Variants in SPMIP4 observed in about 807,000 individuals in gnomAD.
The protein encoded by SPMIP4 is sperm microtubule inner protein 4.
At chr7:25,136,735 C>T in the SPMIP4 span, 25 of 1,614,038 alleles carry the variant, frequency 1.5e-5, no homozygotes, top group Middle Eastern at 3.3e-4. This position sits in a 1 kb window ranked among gnomAD's most constrained non-coding sequence, Gnocchi z 5.7. Flanking sequence ...CTGAATTAAT[C>T]GGGCAATTCG....
the SPMIP4 span, among the ~76,000 whole-genome samples, chr7:25,146,957 T>C: frequency 6.6e-6 from 1 of 152,184 alleles, no homozygotes; most frequent in Non-Finnish European, 1.5e-5. Flanking sequence ...AAGCCTTCAC[T>C]TGAGTAAGCA....
chr7:25,147,697 A>G, the SPMIP4 span, among the ~76,000 whole-genome samples: 1 of 152,216 alleles, frequency 6.6e-6, no homozygotes, highest in Admixed American at 6.5e-5. Flanking sequence ...AAGGTTACCC[A>G]TTTCTTTATG....
At chr7:25,167,286 C>G in the SPMIP4 span, among the ~76,000 whole-genome samples, 42 of 152,314 alleles carry the variant, frequency 2.8e-4, no homozygotes, top group East Asian at 7.7e-3. Flanking sequence ...ATTCAAATCC[C>G]TATTCCACAA....
chr7:25,158,628 G>A, the SPMIP4 span: 1 of 963,340 alleles, frequency 1.0e-6, no homozygotes. Context: ...GGCTGGGCAT[G>A]GTGGCTCATG....
chr7:25,165,631 A>G, the SPMIP4 span, among the ~76,000 whole-genome samples: 1 of 152,104 alleles, frequency 6.6e-6, no homozygotes, highest in Admixed American at 6.5e-5. Context: ...TACAGGCGTG[A>G]GCCGCCGCGC....
At chr7:25,133,258 A>G in the SPMIP4 span, among the ~76,000 whole-genome samples, 1 of 152,198 alleles carries the variant, frequency 6.6e-6, no homozygotes, top group Non-Finnish European at 1.5e-5. Flanking sequence ...TAGTGTATAT[A>G]ATGGACAAAT....
the SPMIP4 span, among the ~76,000 whole-genome samples, chr7:25,129,354 A>C: frequency 6.6e-5 from 10 of 152,144 alleles, no homozygotes. Context: ...GCTCATCTAC[A>C]TGCTCCCTCT....
the SPMIP4 span, among the ~76,000 whole-genome samples, chr7:25,150,864 A>G: frequency 1.3e-5 from 2 of 152,256 alleles, no homozygotes; most frequent in Admixed American, 6.5e-5. Flanking sequence ...TTAGATGTGT[A>G]GCAATTTCTC....
At chr7:25,162,687 T>C in the SPMIP4 span, among the ~76,000 whole-genome samples, 1 of 152,176 alleles carries the variant, frequency 6.6e-6, no homozygotes, top group Non-Finnish European at 1.5e-5. Context: ...ACCATGACAA[T>C]ATAAATCATT....
chr7:25,178,734 T>C, the SPMIP4 span, among the ~76,000 whole-genome samples: 21 of 152,258 alleles, frequency 1.4e-4, no homozygotes, highest in Non-Finnish European at 2.9e-4. Flanking sequence ...GCCTTCCCTA[T>C]TATATGATAA....
chr7:25,145,589 A>G, the SPMIP4 span, among the ~76,000 whole-genome samples: 1 of 152,184 alleles, frequency 6.6e-6, no homozygotes, highest in Admixed American at 6.5e-5. Flanking sequence ...TATATCTGAT[A>G]TGGAAGATAA....
chr7:25,178,111 C>G, the SPMIP4 span, among the ~76,000 whole-genome samples: 6 of 152,212 alleles, frequency 3.9e-5, no homozygotes, highest in African/African-American at 1.4e-4. Flanking sequence ...GCCTCCAGCT[C>G]CATCCACGTT....
the SPMIP4 span, among the ~76,000 whole-genome samples, chr7:25,148,510 T>C: frequency 7.1e-6 from 1 of 140,366 alleles, no homozygotes; most frequent in Non-Finnish European, 1.5e-5. Context: ...AGAGTCTGAC[T>C]CTCACCCAGG....
chr7:25,176,778 A>G, the SPMIP4 span, among the ~76,000 whole-genome samples: 1 of 152,222 alleles, frequency 6.6e-6, no homozygotes, highest in East Asian at 1.9e-4. The surrounding 1 kb of genome is among the most constrained non-coding windows in gnomAD (Gnocchi z 4.4). Context: ...TATGATTTCT[A>G]CATTATGAGG....
chr7:25,140,062 T>C, the SPMIP4 span, among the ~76,000 whole-genome samples: 2 of 152,234 alleles, frequency 1.3e-5, no homozygotes, highest in South Asian at 2.1e-4. Context: ...GTACATACCA[T>C]ACAGGGTCGA....
chr7:25,148,613 T>C, the SPMIP4 span, among the ~76,000 whole-genome samples: 2 of 152,048 alleles, frequency 1.3e-5, no homozygotes, highest in African/African-American at 4.8e-5. Context: ...TAGCTGAGGT[T>C]ACAGGCATGC....
the SPMIP4 span, among the ~76,000 whole-genome samples, chr7:25,153,346 T>G: frequency 6.6e-6 from 1 of 151,920 alleles, no homozygotes. Flanking sequence ...GGCAGATCAC[T>G]TGACGTCAGG....
At chr7:25,157,665 G>A in the SPMIP4 span, among the ~76,000 whole-genome samples, 1 of 152,202 alleles carries the variant, frequency 6.6e-6, no homozygotes, top group East Asian at 1.9e-4. Flanking sequence ...AATTGTCAAG[G>A]TCATTAAAAC....
At chr7:25,131,676 T>C in the SPMIP4 span, among the ~76,000 whole-genome samples, 2 of 152,230 alleles carry the variant, frequency 1.3e-5, no homozygotes, top group African/African-American at 2.4e-5. This position sits in a 1 kb window ranked among gnomAD's most constrained non-coding sequence, Gnocchi z 4.2. Flanking sequence ...TTCTCTGACC[T>C]GGGGTTCTTG....
Sources: allele counts gnomAD v4.1 joint callset (sites outside exome capture counted in the v4.1 genomes callset), GRCh38; gene constraint gnomAD v4.1.1; non-coding constraint Gnocchi (gnomAD v3.1); transcripts MANE v1.5; gene names NCBI Gene and HGNC (gene_info 2026-07-23, HGNC 2026-07-21).